The following MEAF6 variants were observed in gnomAD, a reference collection of about 807,000 sequenced individuals.
MEAF6 encodes the protein MYST/Esa1 associated factor 6.
Under a neutral mutation model 28.9 loss-of-function variants are expected in MEAF6, and 15 were observed. That is an observed-to-expected ratio of 0.52 (90% CI 0.35 to 0.80). The LOEUF is 0.80. Ranked by LOEUF, MEAF6 falls within the 30% of genes least tolerant of loss-of-function variation. MEAF6 has a pLI of 0.01. For synonymous variants in MEAF6, 97 were observed against 88.7 expected, an observed-to-expected ratio of 1.09 and a Z score of -0.53; for missense variants, 178 against 237.5, an observed-to-expected ratio of 0.75 and a Z score of 1.65.
At chr1:37,502,267 A>G (rs377123129) in intron 4 of MEAF6, among the ~76,000 whole-genome samples, 75 of 152,304 alleles carry the variant, frequency 4.9e-4, no homozygotes, top group East Asian at 9.6e-4. Flanking sequence ...TAGAGATGAG[A>G]GTCTGGCTGT....
chr1:37,502,131 AG>A (rs1642327426), intron 4 of MEAF6, 135 bp from the exon 5 acceptor site: 9 of 545,182 alleles, frequency 1.7e-5, no homozygotes, highest in Non-Finnish European at 2.5e-5. Context: ...ACATGTTGAC[AG>A]AGAAGATACA....
intron 5 of MEAF6, chr1:37,496,467 G>C (rs1273209888): frequency 6.1e-6 from 4 of 658,642 alleles, no homozygotes; most frequent in African/African-American, 1.9e-5. Flanking sequence ...TAAAGTAAAG[G>C]TTATCTATTT....
At chr1:37,513,379 G>A (rs979480539) in intron 2 of MEAF6, 44 bp downstream of exon 2, 5 of 1,504,210 alleles carry the variant, frequency 3.3e-6, no homozygotes, top group Non-Finnish European at 4.6e-6. Context: ...AAAAACAAAC[G>A]TTACTAGGGC....
At chr1:37,500,688 A>C (rs1008269464) in intron 5 of MEAF6, among the ~76,000 whole-genome samples, 3 of 152,250 alleles carry the variant, frequency 2.0e-5, no homozygotes, top group African/African-American at 7.2e-5. Context: ...AAGGAGGTTC[A>C]AATCAGGTAG....
chr1:37,505,913 C>T (rs193232714), intron 4 of MEAF6, among the ~76,000 whole-genome samples: 33 of 152,308 alleles, frequency 2.2e-4, no homozygotes, highest in Admixed American at 1.9e-3. Context: ...ACCCCCATCT[C>T]ACAACATACA....
chr1:37,508,798 A>G (rs1259686857), intron 4 of MEAF6, among the ~76,000 whole-genome samples: 1 of 152,234 alleles, frequency 6.6e-6, no homozygotes, highest in East Asian at 1.9e-4. Flanking sequence ...TCTTCCTCAA[A>G]AGGAAAAAAT....
chr1:37,504,279 T>G (rs1455665112), intron 4 of MEAF6, among the ~76,000 whole-genome samples: 2 of 152,218 alleles, frequency 1.3e-5, no homozygotes, highest in Non-Finnish European at 2.9e-5. Context: ...GTGAGTCAAT[T>G]AAACATCTTT....
At chr1:37,506,526 C>T (rs61779862) in intron 4 of MEAF6, among the ~76,000 whole-genome samples, 1 of 152,012 alleles carries the variant, frequency 6.6e-6, no homozygotes, top group African/African-American at 2.4e-5. Flanking sequence ...TGTGTGCCAC[C>T]ACGTCCAGCT....
intron 5 of MEAF6, among the ~76,000 whole-genome samples, chr1:37,497,928 C>A (rs1285736958): frequency 6.6e-6 from 1 of 152,110 alleles, no homozygotes; most frequent in African/African-American, 2.4e-5. Context: ...AAGCTGCCAT[C>A]CACAAGCACC....
intron 5 of MEAF6, among the ~76,000 whole-genome samples, chr1:37,497,445 G>A (rs1352583009): frequency 6.6e-6 from 1 of 152,106 alleles, no homozygotes; most frequent in African/African-American, 2.4e-5. Flanking sequence ...AAAGTTGAAT[G>A]AATAAACTTC....
intron 4 of MEAF6, among the ~76,000 whole-genome samples, chr1:37,508,260 C>T (rs1036430685): frequency 5.6e-5 from 8 of 142,196 alleles, no homozygotes; most frequent in African/African-American, 7.8e-5. Flanking sequence ...ATCCTATTTA[C>T]AGGATGAGCA....
At chr1:37,505,984 G>C (rs1334492900) in intron 4 of MEAF6, among the ~76,000 whole-genome samples, 1 of 152,132 alleles carries the variant, frequency 6.6e-6, no homozygotes, top group Non-Finnish European at 1.5e-5. Context: ...AAAAATCTTA[G>C]ATGCCTGGCC....
chr1:37,504,720 C>T, intron 4 of MEAF6, among the ~76,000 whole-genome samples: 1 of 128,102 alleles, frequency 7.8e-6, no homozygotes, highest in South Asian at 2.5e-4. Context: ...TGCAGTGAGC[C>T]AAGATGGCGC....
Position 37,505,917 on chromosome 1 carries a change from A to G in MEAF6, c.340+3361T>C, listed in dbSNP as rs1426022152. ...AATGAAGCTGTACCCCCATCTCACA[A>G]CATACACAAAAATTAACTCAAAATG... is the stretch of plus-strand genomic sequence containing the variant. On this transcript the variant is annotated intron_variant, in intron 4 of 6. Transcript: ENST00000296214. Among the ~76,000 whole-genome samples, 15 of 152,212 alleles carry G rather than the reference A, an allele frequency of 9.9e-5. 1 individual carries two copies. The East Asian group carries it at 2.9e-3, about 29-fold the overall frequency.
intron 1 of MEAF6, 102 bp from the exon 2 acceptor site, chr1:37,513,640 G>T: frequency 1.1e-6 from 1 of 941,154 alleles, no homozygotes; most frequent in Non-Finnish European, 1.7e-6. Flanking sequence ...ACGCAAGCTT[G>T]CCCACACTAA....
At position 37,492,305 on chromosome 1, in the gene MEAF6, G is replaced by A. The variant is rs1641962858; in HGVS notation, c.*1794C>T. On this transcript the variant is annotated 3_prime_UTR_variant, in exon 7 of 7. Coordinates refer to ENST00000296214, the MANE Select transcript of MEAF6 (RefSeq NM_001270875.3). ...GGCCTCCCAAAGTGCTGGGATTACA[G>A]GTGTGAGCCACCGCACCCAGCCCAA... Among the ~76,000 whole-genome samples, 1 of 151,682 alleles carries A rather than the reference G, an allele frequency of 6.6e-6. No homozygotes were observed. The highest frequency in any genetic ancestry group is 1.5e-5 in the Non-Finnish European group (1 of 67,904).
In MEAF6 at chr1:37,510,381, A is replaced by ATTTTTTTT. The variant is rs34785696; in HGVS notation, c.207-847_207-840dup. 5.5e-4 allele frequency among the ~76,000 whole-genome samples: 52 copies of ATTTTTTTT among 95,018 alleles called. 1 individual carries two copies. Among genetic ancestry groups the ATTTTTTTT allele is most frequent in the Non-Finnish European group, 8.1e-4 (42 of 51,838 alleles). The allele number at this position is 95,018 out of a possible 152,430, so 62.3% of individuals were successfully genotyped here. A position where few individuals can be genotyped will look rare whatever the true frequency, so the allele number is the denominator to read the frequency against. ...CAGGCATGAGCCACTGCACCTAGCC[A>ATTTTTTTT]TTTTTTTTTTTTTTTTTTTTTTGAG... On this transcript the variant is annotated intron_variant, in intron 2 of 6. Transcript: ENST00000296214.
chr1:37,496,025 G>T, intron 5 of MEAF6, 107 bp from the exon 6 acceptor site: 1 of 891,826 alleles, frequency 1.1e-6, no homozygotes, highest in Non-Finnish European at 1.8e-6. Flanking sequence ...ATTTGGTTAA[G>T]AAAAATCCAC....
At position 37,493,535 on chromosome 1, in the gene MEAF6, T is replaced by C. The variant is rs886517935; in HGVS notation, c.*564A>G. The C allele has an allele frequency of 3.9e-6, 2 of 519,344 alleles. No individual in the cohort carries two copies. Among genetic ancestry groups the C allele is most frequent in the African/African-American group, 2.0e-5 (1 of 50,166 alleles). The allele number at this position is 519,344 out of a possible 1,614,324, so 32.2% of individuals were successfully genotyped here. A position where few individuals can be genotyped will look rare whatever the true frequency, so the allele number is the denominator to read the frequency against. On this transcript the variant is annotated 3_prime_UTR_variant, in exon 7 of 7. Coordinates refer to ENST00000296214, the MANE Select transcript of MEAF6 (RefSeq NM_001270875.3). ...TGATAAACCAGATTATTTTCAGTTA[T>C]GAATATTGGCAACTGCATGAAAGAG...
Sources: gnomAD v4.1 joint callset for allele counts (sites outside exome capture counted in the v4.1 genomes callset) on GRCh38, gnomAD v4.1.1 for gene constraint, MANE v1.5 for transcripts, NCBI Gene and HGNC (gene_info 2026-07-23, HGNC 2026-07-21) for gene names.